Variants in RNF121 observed in about 807,000 individuals in gnomAD.
RNF121 encodes ring finger protein 121, also known as E3 ubiquitin ligase RNF121.
Under a neutral mutation model 46.5 loss-of-function variants are expected in RNF121, and 21 were observed. The ratio of observed to expected loss-of-function variants is 0.45; its 90% CI spans 0.32 to 0.65. The LOEUF (loss-of-function observed/expected upper bound fraction) is 0.65. RNF121 is among the 30% of genes least tolerant of loss of function. The probability of loss-of-function intolerance (pLI) is 0.04; values close to 1 mark genes in which losing one functional copy is unlikely to be tolerated. For synonymous variants in RNF121, 139 were observed against 144.7 expected (o/e 0.96, Z 0.28); for missense variants, 346 against 416.0 (o/e 0.83, Z 1.46).
rs186070562 is a variant in RNF121, at chr11:71,986,594, C to T, written c.399-410C>T. On this transcript the variant is annotated intron_variant, in intron 4 of 8. Coordinates refer to ENST00000361756, the MANE Select transcript of RNF121 (RefSeq NM_018320.5). ...CAGCCTGGCCAATATGGTGAAACCC[C>T]GTCTCTACTAAAAAAAATATAAAAA... Among the ~76,000 whole-genome samples, 700 of 151,742 alleles carry T rather than the reference C, an allele frequency of 4.6e-3. 3 individuals carry two copies. Among genetic ancestry groups the T allele is most frequent in the African/African-American group, 0.016 (667 of 41,368 alleles).
At chr11:71,956,188 C>T (rs1278478047) in intron 1 of RNF121, among the ~76,000 whole-genome samples, 2 of 152,142 alleles carry the variant, frequency 1.3e-5, no homozygotes, top group African/African-American at 4.8e-5. Context: ...ATCTTAAGTA[C>T]TAAAGGAATG....
chr11:71,985,930 CCAAAAAAAAA>C (rs1047791245), intron 4 of RNF121, among the ~76,000 whole-genome samples: 6 of 150,602 alleles, frequency 4.0e-5, no homozygotes, highest in African/African-American at 1.2e-4. Flanking sequence ...CCATCTCTAG[CCAAAAAAAAA>C]CAAAAAAAAA....
At chr11:71,948,302 G>A (rs1172461949) in intron 1 of RNF121, among the ~76,000 whole-genome samples, 1 of 152,034 alleles carries the variant, frequency 6.6e-6, no homozygotes, top group Non-Finnish European at 1.5e-5. Context: ...GATAACTTGA[G>A]GTCAGAAGTT....
At chr11:71,985,992 A>G (rs543129503) in intron 4 of RNF121, among the ~76,000 whole-genome samples, 2 of 152,140 alleles carry the variant, frequency 1.3e-5, no homozygotes, top group African/African-American at 4.8e-5. Context: ...TGCTGAGTCT[A>G]GTAGCTGGGA....
At position 71,996,213 on chromosome 11, in the gene RNF121, C is replaced by T; in HGVS notation, c.882C>T (p.Val294=). The part of the protein sequence containing the change: ...MFSNPWERPH[V]MYGQLLDWLR... ...CTGACAGCTGGGAGAGGCCTCACGT[C>T]ATGTATGGGCAACTGCTGGACTGGC... The change falls in exon 9 of 9, where the codon GTC becomes GTT. Residue 294 remains valine, a synonymous_variant. Transcript: ENST00000361756. 2 of 1,614,162 alleles carry T rather than the reference C, an allele frequency of 1.2e-6. No homozygotes were observed. Among genetic ancestry groups the T allele is most frequent in the Non-Finnish European group, 1.7e-6 (2 of 1,180,000 alleles).
At chr11:71,967,211 A>G (rs1954298464) in intron 3 of RNF121, among the ~76,000 whole-genome samples, 1 of 150,870 alleles carries the variant, frequency 6.6e-6, no homozygotes, top group African/African-American at 2.4e-5. Context: ...TACTGATATA[A>G]ATTTCTACTT....
intron 1 of RNF121, among the ~76,000 whole-genome samples, chr11:71,948,761 G>T (rs1330032506): frequency 6.6e-6 from 1 of 152,160 alleles, no homozygotes; most frequent in Non-Finnish European, 1.5e-5. Context: ...CAACTTATTA[G>T]CCTTGAATTC....
intron 3 of RNF121, among the ~76,000 whole-genome samples, chr11:71,969,703 C>T (rs1221823702): frequency 1.3e-5 from 2 of 152,132 alleles, no homozygotes; most frequent in Non-Finnish European, 2.9e-5. Flanking sequence ...AATGGGACCA[C>T]AGGTGTGCAC....
chr11:71,949,679 G>A (rs1590779981), intron 1 of RNF121, among the ~76,000 whole-genome samples: 1 of 152,036 alleles, frequency 6.6e-6, no homozygotes, highest in African/African-American at 2.4e-5. Flanking sequence ...CAACCTAGGT[G>A]ACAGAGTAAG....
chr11:71,938,296 T>C (rs1242893202), intron 1 of RNF121, among the ~76,000 whole-genome samples: 3 of 150,338 alleles, frequency 2.0e-5, no homozygotes, highest in Non-Finnish European at 4.4e-5. Context: ...GTAAGCATTT[T>C]ACGTGTGTAG....
chr11:71,988,478 G>A (rs1191703708), intron 5 of RNF121, among the ~76,000 whole-genome samples: 1 of 152,050 alleles, frequency 6.6e-6, no homozygotes, highest in Non-Finnish European at 1.5e-5. Flanking sequence ...GTAGGCAGGA[G>A]TCTCTGAAAG....
rs1565167473 is a variant in RNF121, at chr11:71,997,314, G to A, written c.*999G>A. Reference sequence around the variant, plus strand: ...AAGCTGGCAGGGGATTCCCAGTCCAGGGAATATCCCTACATGATTTTTGTC... The same window carrying A: ...AAGCTGGCAGGGGATTCCCAGTCCAAGGAATATCCCTACATGATTTTTGTC... On this transcript the variant is annotated 3_prime_UTR_variant, in exon 9 of 9. Coordinates refer to ENST00000361756, the MANE Select transcript of RNF121 (RefSeq NM_018320.5). 6.6e-6 allele frequency: 1 copy of A among 152,204 alleles called. No individual in the cohort carries two copies. The highest frequency in any genetic ancestry group is 1.9e-4 in the East Asian group (1 of 5,200). 9.4% of individuals were successfully genotyped at this position (152,204 alleles called of 1,614,324 possible).
intron 3 of RNF121, among the ~76,000 whole-genome samples, chr11:71,964,365 G>T (rs1468005263): frequency 6.6e-6 from 1 of 152,026 alleles, no homozygotes; most frequent in African/African-American, 2.4e-5. Flanking sequence ...TTCCAACTTT[G>T]CTGAATTTAT....
intron 2 of RNF121, 87 bp from the exon 3 acceptor site, chr11:71,960,663 T>C (rs1954108491): frequency 1.3e-6 from 2 of 1,486,238 alleles, no homozygotes; most frequent in Admixed American, 1.8e-5. Context: ...TTCTGAGCTA[T>C]GTACTGGTGG....
At chr11:71,983,870 G>T (rs1164473203) in intron 4 of RNF121, 1 of 152,332 alleles carries the variant, frequency 6.6e-6, no homozygotes, top group East Asian at 1.9e-4. Context: ...ATTGTAGATT[G>T]CTCTTCTTCC....
intron 3 of RNF121, among the ~76,000 whole-genome samples, chr11:71,980,020 A>T (rs1281916546): frequency 6.6e-6 from 1 of 152,094 alleles, no homozygotes; most frequent in Non-Finnish European, 1.5e-5. Context: ...AATAATCTGC[A>T]GTTGTTTGTT....
chr11:71,996,509 C>T lies in RNF121; in HGVS notation c.*194C>T. 1.8e-6 allele frequency: 1 copy of T among 562,218 alleles called. No homozygotes were observed. The highest frequency in any genetic ancestry group is 3.4e-5 in the Admixed American group (1 of 29,020). 34.8% of individuals were successfully genotyped at this position (562,218 alleles called of 1,614,324 possible). A position where few individuals can be genotyped will look rare whatever the true frequency, so the allele number is the denominator to read the frequency against. On this transcript the variant is annotated 3_prime_UTR_variant, in exon 9 of 9. Transcript: ENST00000361756. ...CAGTGGGGCTGTCAGCAGTGGGGGG[C>T]TTTTTAAAAGAAAACTATTTTGATG...
intron 2 of RNF121, among the ~76,000 whole-genome samples, chr11:71,957,570 G>C (rs2134172936): frequency 6.6e-6 from 1 of 152,240 alleles, no homozygotes; most frequent in East Asian, 1.9e-4. Flanking sequence ...GTAAAATGAG[G>C]ATCATAACAA....
intron 1 of RNF121, among the ~76,000 whole-genome samples, chr11:71,947,525 G>C (rs920140339): frequency 6.6e-6 from 1 of 151,698 alleles, no homozygotes; most frequent in Admixed American, 6.6e-5. Flanking sequence ...GTGAAGGTGA[G>C]TAGAGAATTC....
Sources: allele counts gnomAD v4.1 joint callset (sites outside exome capture counted in the v4.1 genomes callset), GRCh38; gene constraint gnomAD v4.1.1; transcripts MANE v1.5; gene names NCBI Gene and HGNC (gene_info 2026-07-23, HGNC 2026-07-21).